The following ATF7IP variants were observed in gnomAD, a reference collection of about 807,000 sequenced individuals.
ATF7IP encodes the protein activating transcription factor 7 interacting protein.
A neutral mutation model predicts 106.4 loss-of-function variants in ATF7IP; 23 were observed. The ratio of observed to expected loss-of-function variants is 0.22; its 90% CI spans 0.16 to 0.31. The LOEUF is 0.31. Among genes scored for constraint, ATF7IP ranks in the 10% least tolerant of loss-of-function variants. The pLI, the probability that ATF7IP is intolerant of heterozygous loss-of-function variation, is 1.00. For missense variants in ATF7IP, 1,334 were observed against 1,524.3 expected, an observed-to-expected ratio of 0.88 and a Z score of 2.08; for synonymous variants, 542 against 539.0, an observed-to-expected ratio of 1.01 and a Z score of -0.08.
At chr12:14,475,545 A>G (rs1175480266) in intron 10 of ATF7IP, among the ~76,000 whole-genome samples, 1 of 152,242 alleles carries the variant, frequency 6.6e-6, no homozygotes, top group African/African-American at 2.4e-5. Context: ...GTTGTGGTAG[A>G]TTAATATTGA....
intron 13 of ATF7IP, among the ~76,000 whole-genome samples, chr12:14,492,905 A>G (rs1475672757): frequency 1.3e-5 from 2 of 152,176 alleles, no homozygotes; most frequent in Non-Finnish European, 2.9e-5. Flanking sequence ...TGCCCTCACA[A>G]ATCTGTTTCG....
rs374867725 is a variant in ATF7IP, at chr12:14,425,293, A to G, written c.1378A>G (p.Ile460Val). Residue 460 changes from isoleucine (I) to valine (V), a missense_variant, in exon 2 of 15, where the codon ATC becomes GTC. Physicochemically the swap from Ile to Val is conservative, Grantham distance 29. Coordinates refer to ENST00000261168, the MANE Select transcript of ATF7IP (RefSeq NM_018179.5). ...TCFSKTSLLP[I>V]DETNPDLEEK... ...CTTTTCTAAAACATCTCTCCTTCCA[A>G]TCGATGAGACAAATCCAGATTTGGA... is the stretch of plus-strand genomic sequence containing the variant. 8 of 1,604,234 alleles carry G rather than the reference A, an allele frequency of 5.0e-6. No individual in the cohort carries two copies. The highest frequency in any genetic ancestry group is 4.5e-5 in the East Asian group (2 of 44,778).
At chr12:14,408,426 TC>T (rs1356584869) in intron 1 of ATF7IP, 2 of 152,162 alleles carry the variant, frequency 1.3e-5, no homozygotes, top group Non-Finnish European at 2.9e-5. Context: ...ATTTCTATCT[TC>T]CTGATTGGTT....
chr12:14,395,361 C>G (rs984434110), intron 1 of ATF7IP: 6 of 151,994 alleles, frequency 3.9e-5, no homozygotes, highest in African/African-American at 1.4e-4. Context: ...CTAATGAAAA[C>G]AGGATTGGTA....
chr12:14,386,605 G>T (rs1359736015), intron 1 of ATF7IP, among the ~76,000 whole-genome samples: 1 of 152,022 alleles, frequency 6.6e-6, no homozygotes, highest in Non-Finnish European at 1.5e-5. Flanking sequence ...ATTCTGCAAG[G>T]CTTAAGAAAC....
At chr12:14,430,987 T>A (rs952274850) in intron 2 of ATF7IP, among the ~76,000 whole-genome samples, 1 of 152,246 alleles carries the variant, frequency 6.6e-6, no homozygotes, top group South Asian at 2.1e-4. Context: ...TGCCAATCTC[T>A]TATCTAAGGC....
intron 1 of ATF7IP, among the ~76,000 whole-genome samples, chr12:14,372,515 G>A (rs1938573356): frequency 6.6e-6 from 1 of 151,060 alleles, no homozygotes; most frequent in South Asian, 2.1e-4. Context: ...CTTCCTGAGA[G>A]TCTTTATAGT....
intron 6 of ATF7IP, among the ~76,000 whole-genome samples, chr12:14,449,427 T>C (rs188170895): frequency 6.6e-6 from 1 of 152,244 alleles, no homozygotes; most frequent in East Asian, 1.9e-4. Flanking sequence ...TTAGGCAGTT[T>C]TGTTGAAGAT....
intron 1 of ATF7IP, among the ~76,000 whole-genome samples, chr12:14,367,677 T>C (rs1938363880): frequency 6.6e-6 from 1 of 152,132 alleles, no homozygotes; most frequent in African/African-American, 2.4e-5. Flanking sequence ...AGATGATTGC[T>C]TTTTAGGTTA....
chr12:14,394,494 A>C (rs991609205), intron 1 of ATF7IP, among the ~76,000 whole-genome samples: 3 of 152,212 alleles, frequency 2.0e-5, no homozygotes, highest in African/African-American at 7.2e-5. Context: ...CAGTCAGTAC[A>C]TGTTGGGGAA....
At chr12:14,466,462 A>AT in intron 9 of ATF7IP, 64 bp from the exon 10 acceptor site, 2 of 1,311,542 alleles carry the variant, frequency 1.5e-6, no homozygotes, top group Non-Finnish European at 2.2e-6. Context: ...ATTGTTTCAT[A>AT]TAAAGCAACT....
intron 1 of ATF7IP, among the ~76,000 whole-genome samples, chr12:14,366,176 G>A (rs1045447305): frequency 1.3e-5 from 2 of 152,230 alleles, no homozygotes; most frequent in Non-Finnish European, 2.9e-5. Context: ...TTACTCTAAT[G>A]TTGTACTCCT....
intron 8 of ATF7IP, among the ~76,000 whole-genome samples, chr12:14,457,718 C>T (rs531259224): frequency 1.3e-5 from 2 of 152,276 alleles, no homozygotes; most frequent in South Asian, 2.1e-4. Context: ...ATGTGGGTTA[C>T]ATCCATTGAT....
At chr12:14,458,533 A>C (rs1209976005) in intron 8 of ATF7IP, among the ~76,000 whole-genome samples, 3 of 152,184 alleles carry the variant, frequency 2.0e-5, no homozygotes, top group Non-Finnish European at 2.9e-5. Flanking sequence ...ATTAAAATCC[A>C]TTTATTGGAC....
Position 14,412,369 on chromosome 12 carries a change from AAG to A in ATF7IP, c.-7-11537_-7-11536del, listed in dbSNP as rs563370854. Among the ~76,000 whole-genome samples the A allele has an allele frequency of 5.0e-3, 762 of 152,284 alleles. 3 individuals carry two copies. Among genetic ancestry groups the A allele is most frequent in the East Asian group, 0.014 (75 of 5,188 alleles). ...TGTTTTGAACCTGTAGCTTAATTTGAAGAGTGTTGACATCTTAAGGATTTGAG... is the reference window on the plus strand; with the variant it reads ...TGTTTTGAACCTGTAGCTTAATTTGAAGTGTTGACATCTTAAGGATTTGAG... On this transcript the variant is annotated intron_variant, in intron 1 of 14. Transcript: ENST00000261168.
At chr12:14,448,103 C>T (rs573323332) in intron 6 of ATF7IP, among the ~76,000 whole-genome samples, 2 of 152,014 alleles carry the variant, frequency 1.3e-5, no homozygotes, top group African/African-American at 2.4e-5. Flanking sequence ...AGGTCCATTT[C>T]TTCATCTTGA....
intron 1 of ATF7IP, among the ~76,000 whole-genome samples, chr12:14,408,168 C>T (rs2058875): frequency 0.028 from 4,203 of 151,584 alleles, 99 homozygotes; most frequent in Non-Finnish European, 0.039. Context: ...TGGCATGTTT[C>T]TTGAAAGTGG....
chr12:14,375,473 G>A (rs1259639055), intron 1 of ATF7IP, among the ~76,000 whole-genome samples: 1 of 151,706 alleles, frequency 6.6e-6, no homozygotes, highest in African/African-American at 2.4e-5. Flanking sequence ...TTGTATTTTA[G>A]GTTTGTATAA....
chr12:14,400,889 G>A lies in ATF7IP; in HGVS notation c.-7-23020G>A, dbSNP rs553185544. 3.9e-5 allele frequency among the ~76,000 whole-genome samples: 6 copies of A among 152,064 alleles called. No individual in the cohort carries two copies. The South Asian group carries it at 1.2e-3, about 32-fold the overall frequency. ...CTGTTTTGTCTTTTTTTGATGATTA[G>A]GTTGAATGCCTTTTCTTGTATATGT... On this transcript the variant is annotated intron_variant, in intron 1 of 14. Transcript: ENST00000261168.
Sources: gnomAD v4.1 joint callset for allele counts (sites outside exome capture counted in the v4.1 genomes callset) on GRCh38, gnomAD v4.1.1 for gene constraint, MANE v1.5 for transcripts, NCBI Gene and HGNC (gene_info 2026-07-23, HGNC 2026-07-21) for gene names.